The following SYT1 variants were observed in gnomAD, a reference collection of about 807,000 sequenced individuals.
The protein encoded by SYT1 is synaptotagmin-1.
SYT1 carries 8 observed loss-of-function variants against 44.8 expected under a neutral mutation model. The observed-to-expected ratio is 0.18, with a 90% CI of 0.10 to 0.32. The LOEUF is 0.32. Among genes scored for constraint, SYT1 ranks in the 10% least tolerant of loss-of-function variants. SYT1 has a pLI of 1.00. For synonymous variants in SYT1, 154 were observed against 188.8 expected (o/e 0.82, Z 1.51); for missense variants, 286 against 509.3 (o/e 0.56, Z 4.22).
intron 2 of SYT1, among the ~76,000 whole-genome samples, chr12:78,992,985 GTTTCC>G (rs1870120662): frequency 6.6e-6 from 1 of 152,134 alleles, no homozygotes; most frequent in Non-Finnish European, 1.5e-5. Context: ...TTCTCTATAT[GTTTCC>G]TCTACAAACT....
chr12:79,204,521 A>G (rs1873981226), intron 3 of SYT1, among the ~76,000 whole-genome samples: 1 of 152,226 alleles, frequency 6.6e-6, no homozygotes, highest in South Asian at 2.1e-4. Flanking sequence ...ACTTCTATAA[A>G]AAACACTGAG....
chr12:79,205,943 A>G (rs1269255114), intron 3 of SYT1, among the ~76,000 whole-genome samples: 2 of 152,090 alleles, frequency 1.3e-5, no homozygotes, highest in African/African-American at 4.8e-5. Flanking sequence ...TTTTCTCCTC[A>G]TTCTTTAGGA....
intron 2 of SYT1, among the ~76,000 whole-genome samples, chr12:79,044,172 C>T (rs1050036466): frequency 6.6e-6 from 1 of 152,000 alleles, no homozygotes; most frequent in Non-Finnish European, 1.5e-5. Flanking sequence ...GAATGTTGGC[C>T]TGCCTTGCTA....
intron 8 of SYT1, among the ~76,000 whole-genome samples, chr12:79,325,880 A>G (rs1462625707): frequency 1.3e-5 from 2 of 152,242 alleles, no homozygotes; most frequent in African/African-American, 4.8e-5. Flanking sequence ...ACTAACAAGT[A>G]TGCAGTCAAT....
intron 2 of SYT1, among the ~76,000 whole-genome samples, chr12:78,980,780 T>C (rs1182663179): frequency 1.3e-5 from 2 of 152,184 alleles, no homozygotes; most frequent in Non-Finnish European, 2.9e-5. Flanking sequence ...TTACATTATA[T>C]ATTTACTTTG....
At chr12:79,299,107 T>C (rs1287659457) in intron 7 of SYT1, among the ~76,000 whole-genome samples, 1 of 152,106 alleles carries the variant, frequency 6.6e-6, no homozygotes, top group African/African-American at 2.4e-5. Context: ...TCTTAAGGCT[T>C]TATAGTATAA....
At chr12:79,259,942 A>G (rs1049401032) in intron 4 of SYT1, among the ~76,000 whole-genome samples, 1 of 152,168 alleles carries the variant, frequency 6.6e-6, no homozygotes, top group Non-Finnish European at 1.5e-5. Context: ...CTTATTTTTC[A>G]GGCCTTGAAT....
Position 79,314,168 on chromosome 12 carries a change from C to CAA in SYT1, c.810+14641_810+14642dup, listed in dbSNP as rs34951756. Among the ~76,000 whole-genome samples, 282 of 66,774 alleles carry CAA rather than the reference C, an allele frequency of 4.2e-3. 2 individuals are homozygous for CAA. The highest frequency in any genetic ancestry group is 7.3e-3 in the African/African-American group (116 of 15,802). 43.8% of individuals were successfully genotyped at this position (66,774 alleles called of 152,430 possible). ...TGGGCGACAGAGCGAGACTCCGTCT[C>CAA]AAAAAAAAAAAAAAAAAAAAAAAAA... is the stretch of plus-strand genomic sequence containing the variant. On this transcript the variant is annotated intron_variant, in intron 8 of 10. Coordinates refer to ENST00000261205, the MANE Select transcript of SYT1 (RefSeq NM_005639.3).
chr12:78,929,257 C>G (rs1373876682), intron 1 of SYT1, among the ~76,000 whole-genome samples: 1 of 150,962 alleles, frequency 6.6e-6, no homozygotes, highest in African/African-American at 2.4e-5. Flanking sequence ...CAAAAATTAG[C>G]TGGACGTGGC....
At chr12:79,039,854 T>C (rs1234473863) in intron 2 of SYT1, among the ~76,000 whole-genome samples, 9 of 141,222 alleles carry the variant, frequency 6.4e-5, no homozygotes, top group African/African-American at 1.6e-4. Context: ...TTCCCACCTA[T>C]GAGTGAGAAT....
At chr12:79,243,094 T>C (rs1355054994) in intron 4 of SYT1, among the ~76,000 whole-genome samples, 3 of 143,214 alleles carry the variant, frequency 2.1e-5, no homozygotes, top group East Asian at 4.0e-4. Context: ...GTGAGACTTA[T>C]ACACTATCAT....
intron 1 of SYT1, among the ~76,000 whole-genome samples, chr12:78,884,683 T>G (rs1874637308): frequency 6.6e-6 from 1 of 151,274 alleles, no homozygotes; most frequent in Non-Finnish European, 1.5e-5. Flanking sequence ...ATAATTATAT[T>G]TAATATATCT....
At chr12:78,990,241 T>A (rs1231966081) in intron 2 of SYT1, among the ~76,000 whole-genome samples, 4 of 152,182 alleles carry the variant, frequency 2.6e-5, no homozygotes, top group African/African-American at 7.2e-5. Context: ...TTTCTGAGAC[T>A]CTCCGATATA....
At chr12:79,410,302 A>G (rs924963247) in intron 9 of SYT1, among the ~76,000 whole-genome samples, 3 of 152,122 alleles carry the variant, frequency 2.0e-5, no homozygotes, top group African/African-American at 7.2e-5. Flanking sequence ...CTATCCATCT[A>G]TTGATTGTGT....
chr12:78,889,173 T>C (rs549543507), intron 1 of SYT1, among the ~76,000 whole-genome samples: 2 of 152,034 alleles, frequency 1.3e-5, no homozygotes, highest in Admixed American at 1.3e-4. Flanking sequence ...TGTTAAGAAC[T>C]AGTTCAGGAT....
intron 3 of SYT1, among the ~76,000 whole-genome samples, chr12:79,171,321 T>C (rs1023815429): frequency 1.3e-5 from 2 of 152,104 alleles, no homozygotes; most frequent in East Asian, 3.9e-4. Context: ...TTCCTCTCCA[T>C]GAGCATGGAA....
At chr12:79,242,029 A>G (rs1178256643) in intron 4 of SYT1, among the ~76,000 whole-genome samples, 3 of 152,192 alleles carry the variant, frequency 2.0e-5, no homozygotes, top group Non-Finnish European at 4.4e-5. Flanking sequence ...CATGGAACAG[A>G]GTCTCTCTCA....
chr12:78,997,234 C>T (rs929777624), intron 2 of SYT1, among the ~76,000 whole-genome samples: 2 of 152,192 alleles, frequency 1.3e-5, no homozygotes, highest in Non-Finnish European at 2.9e-5. Flanking sequence ...AGAACAAAAA[C>T]ATGGCCCGTG....
At position 79,299,878 on chromosome 12, in the gene SYT1, C is replaced by T. The variant is rs1462864373; in HGVS notation, c.810+327C>T. 5.9e-5 allele frequency among the ~76,000 whole-genome samples: 9 copies of T among 152,178 alleles called. No individual in the cohort carries two copies. In the South Asian group the frequency reaches 8.3e-4, roughly 14 times the overall value. On this transcript the variant is annotated intron_variant, in intron 8 of 10. Transcript: ENST00000261205. The stretch of plus-strand genomic sequence containing the variant: ...ATAAACTACTGCTTTAAAATGACAA[C>T]GAAAAATTATTTTATTTCTCATTTT...
Sources: allele counts gnomAD v4.1 joint callset (sites outside exome capture counted in the v4.1 genomes callset), GRCh38; gene constraint gnomAD v4.1.1; transcripts MANE v1.5; gene names NCBI Gene and HGNC (gene_info 2026-07-23, HGNC 2026-07-21).